SKIC2: variants seen among roughly 807,000 people sequenced by gnomAD.
SKIC2 encodes the protein SKI2 subunit of superkiller complex.
the SKIC2 span, chr6:31,959,932 C>A: frequency 1.9e-6 from 2 of 1,058,100 alleles, no homozygotes; most frequent in Non-Finnish European, 2.9e-6. Flanking sequence ...CTGATCTGAA[C>A]ACAAGTCCCA....
At chr6:31,968,515 C>T in the SKIC2 span, 5 of 1,612,850 alleles carry the variant, frequency 3.1e-6, no homozygotes, top group Non-Finnish European at 2.5e-6. This position sits in a 1 kb window ranked among gnomAD's most constrained non-coding sequence, Gnocchi z 6.1. Context: ...TCAGTGTGTA[C>T]ACAGCCCCCG....
At chr6:31,967,104 G>T in the SKIC2 span, 49 of 1,612,388 alleles carry the variant, frequency 3.0e-5, no homozygotes, top group African/African-American at 4.0e-5. This position sits in a 1 kb window ranked among gnomAD's most constrained non-coding sequence, Gnocchi z 4.9. Flanking sequence ...TATTACAGCT[G>T]GGGGGAGGAA....
the SKIC2 span, chr6:31,964,253 C>T: frequency 5.6e-6 from 9 of 1,613,094 alleles, no homozygotes; most frequent in Non-Finnish European, 7.6e-6. The surrounding 1 kb of genome is among the most constrained non-coding windows in gnomAD (Gnocchi z 5.0). Context: ...GTCAGAGCTC[C>T]TGAATCGCGG....
the SKIC2 span, chr6:31,961,028 C>A: frequency 1.9e-6 from 3 of 1,595,924 alleles, no homozygotes; most frequent in African/African-American, 1.3e-5. Flanking sequence ...GATTTCATGT[C>A]CCTATCCTAC....
At chr6:31,960,746 G>T in the SKIC2 span, 2 of 1,549,308 alleles carry the variant, frequency 1.3e-6, no homozygotes, top group Non-Finnish European at 1.7e-6. Context: ...GAAAGGTAAG[G>T]TGGGGCTCTG....
the SKIC2 span, chr6:31,960,257 G>A: frequency 6.2e-7 from 1 of 1,613,110 alleles, no homozygotes; most frequent in Non-Finnish European, 8.5e-7. Flanking sequence ...GTCTCTTTTG[G>A]CTGTCCTGGG....
the SKIC2 span, chr6:31,968,563 A>G: frequency 6.3e-7 from 1 of 1,597,110 alleles, no homozygotes; most frequent in African/African-American, 1.3e-5. This position sits in a 1 kb window ranked among gnomAD's most constrained non-coding sequence, Gnocchi z 6.1. Flanking sequence ...GGTAACTCCC[A>G]AGCTGGGAGT....
the SKIC2 span, chr6:31,963,234 G>A: frequency 9.4e-5 from 76 of 810,562 alleles, no homozygotes; most frequent in Admixed American, 1.5e-3. The surrounding 1 kb of genome is among the most constrained non-coding windows in gnomAD (Gnocchi z 5.3). Flanking sequence ...GGTGGCTGTG[G>A]GATCCCCTTT....
the SKIC2 span, chr6:31,963,935 T>C: frequency 4.3e-6 from 7 of 1,611,522 alleles, no homozygotes; most frequent in Non-Finnish European, 5.1e-6. The surrounding 1 kb of genome is among the most constrained non-coding windows in gnomAD (Gnocchi z 5.3). Flanking sequence ...TACCTGTCCC[T>C]CCTGGCCTCC....
At chr6:31,960,038 C>T in the SKIC2 span, 2 of 1,613,074 alleles carry the variant, frequency 1.2e-6, no homozygotes, top group Non-Finnish European at 1.7e-6. Flanking sequence ...CCTTGTGCCC[C>T]AGATCTGCAG....
the SKIC2 span, among the ~76,000 whole-genome samples, chr6:31,964,995 G>A: frequency 6.6e-6 from 1 of 152,156 alleles, no homozygotes; most frequent in Non-Finnish European, 1.5e-5. The surrounding 1 kb of genome is among the most constrained non-coding windows in gnomAD (Gnocchi z 5.0). Context: ...GCAGGTGCCT[G>A]TAGTCCCAGC....
At chr6:31,964,012 G>A in the SKIC2 span, 1 of 1,612,606 alleles carries the variant, frequency 6.2e-7, no homozygotes, top group Non-Finnish European at 8.5e-7. The surrounding 1 kb of genome is among the most constrained non-coding windows in gnomAD (Gnocchi z 5.0). Context: ...TGATGAGCAG[G>A]CCTCAGGCCT....
At chr6:31,967,894 A>C in the SKIC2 span, 4 of 1,612,758 alleles carry the variant, frequency 2.5e-6, no homozygotes, top group East Asian at 2.2e-5. This position sits in a 1 kb window ranked among gnomAD's most constrained non-coding sequence, Gnocchi z 4.9. Flanking sequence ...GTTTTCTGCC[A>C]GCAGTATAAG....
At chr6:31,967,088 C>A in the SKIC2 span, 1 of 1,612,814 alleles carries the variant, frequency 6.2e-7, no homozygotes, top group South Asian at 1.1e-5. The surrounding 1 kb of genome is among the most constrained non-coding windows in gnomAD (Gnocchi z 4.9). Context: ...GGTCGACCTG[C>A]CTGAATATTA....
At chr6:31,968,972 CAT>C in the SKIC2 span, 1 of 1,612,962 alleles carries the variant, frequency 6.2e-7, no homozygotes, top group Admixed American at 1.7e-5. This position sits in a 1 kb window ranked among gnomAD's most constrained non-coding sequence, Gnocchi z 6.1. Context: ...TCACTGAGCT[CAT>C]GTTTGACAAT....
chr6:31,968,305 C>A, the SKIC2 span: 1 of 1,596,008 alleles, frequency 6.3e-7, no homozygotes, highest in Non-Finnish European at 8.6e-7. The surrounding 1 kb of genome is among the most constrained non-coding windows in gnomAD (Gnocchi z 6.1). Flanking sequence ...TACCCCAGAT[C>A]TTAAGATCTG....
chr6:31,960,782 C>G, the SKIC2 span: 1 of 1,431,896 alleles, frequency 7.0e-7, no homozygotes, highest in Admixed American at 2.2e-5. Flanking sequence ...GAGGAAGAGC[C>G]CAGGCTATCA....
chr6:31,959,180 C>T, the SKIC2 span: 9 of 1,610,114 alleles, frequency 5.6e-6, no homozygotes, highest in Non-Finnish European at 6.8e-6. Context: ...CAGGCAGCTG[C>T]TGTGGCTCCA....
chr6:31,961,062 G>C, the SKIC2 span: 27 of 1,612,772 alleles, frequency 1.7e-5, no homozygotes, highest in Non-Finnish European at 5.9e-6. Context: ...ATTCCACCTG[G>C]TTTCAAGAAA....
Sources: allele counts gnomAD v4.1 joint callset (sites outside exome capture counted in the v4.1 genomes callset), GRCh38; gene constraint gnomAD v4.1.1; non-coding constraint Gnocchi (gnomAD v3.1); transcripts MANE v1.5; gene names NCBI Gene and HGNC (gene_info 2026-07-23, HGNC 2026-07-21).